Variants in PLCB4 observed in about 807,000 individuals in gnomAD.
PLCB4 encodes 1-phosphatidylinositol 4,5-bisphosphate phosphodiesterase beta-4.
PLCB4 carries 77 observed loss-of-function variants against 178.8 expected under a neutral mutation model. The ratio of observed to expected loss-of-function variants is 0.43; its 90% confidence interval spans 0.36 to 0.52. The LOEUF (loss-of-function observed/expected upper bound fraction) is 0.52, where lower values mean the gene tolerates loss of function less well. Among genes scored for constraint, PLCB4 ranks in the 20% least tolerant of loss-of-function variants. PLCB4 has a pLI of 0.00. For missense variants in PLCB4, 1,024 were observed against 1,453.4 expected, an observed-to-expected ratio of 0.70 and a Z score of 4.80; for synonymous variants, 496 against 490.8, an observed-to-expected ratio of 1.01 and a Z score of -0.14.
intron 1 of PLCB4, among the ~76,000 whole-genome samples, chr20:9,090,974 C>A (rs2090654889): frequency 6.6e-6 from 1 of 151,960 alleles, no homozygotes; most frequent in African/African-American, 2.4e-5. Context: ...CAAATGAATT[C>A]ATTATTTTAA....
intron 3 of PLCB4, among the ~76,000 whole-genome samples, chr20:9,226,990 T>A (rs1227289212): frequency 6.6e-6 from 1 of 152,158 alleles, no homozygotes; most frequent in Non-Finnish European, 1.5e-5. Context: ...TTGTTTTTTT[T>A]AAATTAGAGC....
intron 3 of PLCB4, among the ~76,000 whole-genome samples, chr20:9,263,713 C>T (rs980593789): frequency 6.6e-6 from 1 of 152,208 alleles, no homozygotes; most frequent in African/African-American, 2.4e-5. Context: ...CCTGCCCTCA[C>T]TGAGCTCTTA....
chr20:9,431,804 C>T (rs1456630654), intron 28 of PLCB4, among the ~76,000 whole-genome samples: 1 of 152,066 alleles, frequency 6.6e-6, no homozygotes, highest in East Asian at 1.9e-4. Flanking sequence ...GCCACCGTGA[C>T]CGGCCTCCGC....
intron 25 of PLCB4, among the ~76,000 whole-genome samples, chr20:9,415,725 A>G (rs577875008): frequency 9.2e-5 from 14 of 152,362 alleles, no homozygotes; most frequent in Middle Eastern, 3.4e-3. Context: ...GCAGGGCCCA[A>G]TGCAGAATGA....
chr20:9,081,111 A>T (rs2090125213), intron 1 of PLCB4, among the ~76,000 whole-genome samples: 1 of 152,218 alleles, frequency 6.6e-6, no homozygotes, highest in Non-Finnish European at 1.5e-5. Context: ...TTCAGTGAGC[A>T]TCAGGTACTT....
intron 21 of PLCB4, among the ~76,000 whole-genome samples, chr20:9,407,469 A>C (rs1230971853): frequency 6.6e-6 from 1 of 151,054 alleles, no homozygotes; most frequent in Non-Finnish European, 1.5e-5. Context: ...TCCTGGGTTC[A>C]AGCGATTCTC....
chr20:9,447,149 G>C (rs769828818), intron 32 of PLCB4, among the ~76,000 whole-genome samples: 10 of 152,130 alleles, frequency 6.6e-5, no homozygotes, highest in Non-Finnish European at 8.8e-5. Flanking sequence ...TTATATAAAG[G>C]AGTACTATAA....
At chr20:9,129,776 ACT>A (rs1373200035) in intron 2 of PLCB4, among the ~76,000 whole-genome samples, 4 of 151,992 alleles carry the variant, frequency 2.6e-5, no homozygotes, top group Non-Finnish European at 4.4e-5. Context: ...TGTTTTCAAA[ACT>A]CTATTTTTGC....
Position 9,362,973 on chromosome 20 carries a change from A to G in PLCB4, c.447A>G (p.Lys149=). 6.2e-7 allele frequency: 1 copy of G among 1,602,922 alleles called. No individual in the cohort carries two copies. The highest frequency in any genetic ancestry group is 8.5e-7 in the Non-Finnish European group (1 of 1,169,996). The part of the protein sequence containing the change: ...NNVSPMTCLK[K]HWMKLAFMTN... ...TCAGTCCAATGACATGCCTCAAGAA[A>G]CAGTGAGTGTTGTTTGCATTACTCG... The change falls in exon 8 of 40, where the codon AAA becomes AAG. Residue 149 remains lysine, a splice_region_variant and synonymous_variant. Transcript: ENST00000378473.
intron 2 of PLCB4, among the ~76,000 whole-genome samples, chr20:9,156,819 GCCTCCCTCCCTCCCTC>G (rs56668698): frequency 3.2e-5 from 1 of 31,262 alleles, no homozygotes. Context: ...TTACAGGGTT[GCCTCCCTCCCTCCCTC>G]CCTCCCTCCC....
intron 7 of PLCB4, among the ~76,000 whole-genome samples, chr20:9,352,965 A>G (rs1182844139): frequency 1.3e-5 from 2 of 152,076 alleles, no homozygotes; most frequent in African/African-American, 4.8e-5. Context: ...TTTCACTTTC[A>G]TCAATTTTAC....
At chr20:9,393,792 GGT>G in intron 18 of PLCB4, 114 bp downstream of exon 18, 4 of 638,250 alleles carry the variant, frequency 6.3e-6, no homozygotes, top group Admixed American at 2.7e-5. Context: ...AGGGTGTAGG[GGT>G]GATGTTACAG....
chr20:9,160,473 T>G (rs928627229), intron 2 of PLCB4, among the ~76,000 whole-genome samples: 6 of 152,104 alleles, frequency 3.9e-5, no homozygotes, highest in Admixed American at 1.3e-4. Flanking sequence ...GCAGCTGATG[T>G]TTTTGGTATT....
chr20:9,317,707 G>A (rs569912545), intron 4 of PLCB4, among the ~76,000 whole-genome samples: 3 of 152,296 alleles, frequency 2.0e-5, no homozygotes, highest in African/African-American at 7.2e-5. Context: ...CAGGAAGAAA[G>A]TATGGAAAAA....
chr20:9,409,268 A>G (rs2039685835), intron 24 of PLCB4, 87 bp downstream of exon 24: 1 of 1,094,556 alleles, frequency 9.1e-7, no homozygotes, highest in East Asian at 2.7e-5. Flanking sequence ...GGCTGTGGGC[A>G]TTTTTTAAAG....
At chr20:9,106,077 A>C (rs1357390876) in intron 2 of PLCB4, among the ~76,000 whole-genome samples, 1 of 152,090 alleles carries the variant, frequency 6.6e-6, no homozygotes, top group Non-Finnish European at 1.5e-5. Flanking sequence ...GATATTTCCA[A>C]AGTATAAAGA....
chr20:9,090,721 C>A (rs1257692508), intron 1 of PLCB4, among the ~76,000 whole-genome samples: 1 of 151,952 alleles, frequency 6.6e-6, no homozygotes, highest in East Asian at 1.9e-4. Context: ...TAAATAATTA[C>A]CAAATGTTTC....
At chr20:9,457,796 T>C (rs1309960038) in intron 34 of PLCB4, among the ~76,000 whole-genome samples, 1 of 152,128 alleles carries the variant, frequency 6.6e-6, no homozygotes, top group Non-Finnish European at 1.5e-5. Context: ...AAATATTATA[T>C]AAAATACAGA....
intron 3 of PLCB4, among the ~76,000 whole-genome samples, chr20:9,278,448 C>T (rs540185823): frequency 6.6e-6 from 1 of 152,104 alleles, no homozygotes; most frequent in South Asian, 2.1e-4. Context: ...TCAGGTACTT[C>T]TACTCAAGAG....
Sources: allele counts gnomAD v4.1 joint callset (sites outside exome capture counted in the v4.1 genomes callset), GRCh38; gene constraint gnomAD v4.1.1; transcripts MANE v1.5; gene names NCBI Gene and HGNC (gene_info 2026-07-23, HGNC 2026-07-21).